Variants in OCA2 observed in about 807,000 individuals in gnomAD.
OCA2 encodes the protein OCA2 melanosomal transmembrane protein.
OCA2 carries 77 observed loss-of-function variants against 100.2 expected under a neutral mutation model. The ratio of observed to expected loss-of-function variants is 0.77; its 90% CI spans 0.64 to 0.93. The LOEUF is 0.93. OCA2 is among the 40% of genes least tolerant of loss of function. The probability of loss-of-function intolerance (pLI) is 0.00; values close to 1 mark genes in which losing one functional copy is unlikely to be tolerated. For missense variants in OCA2, 1,062 were observed against 1,089.1 expected, an observed-to-expected ratio of 0.98 and a Z score of 0.35; for synonymous variants, 432 against 439.2, an observed-to-expected ratio of 0.98 and a Z score of 0.21.
At chr15:27,935,420 C>G (rs1253971045) in intron 18 of OCA2, among the ~76,000 whole-genome samples, 3 of 152,176 alleles carry the variant, frequency 2.0e-5, no homozygotes, top group African/African-American at 7.2e-5. Flanking sequence ...CTAAAGGAGC[C>G]TCTTTTCCCT....
intron 19 of OCA2, among the ~76,000 whole-genome samples, chr15:27,905,752 A>G (rs1350763820): frequency 2.0e-5 from 3 of 152,256 alleles, no homozygotes; most frequent in African/African-American, 7.2e-5. Flanking sequence ...ACGGCATTAA[A>G]TGAACAAGAG....
chr15:28,081,833 C>T lies in OCA2; in HGVS notation c.42G>A (p.Ala14=), dbSNP rs762670171. 83 of 1,611,536 alleles carry T rather than the reference C, an allele frequency of 5.2e-5. No homozygotes were observed. The highest frequency in any genetic ancestry group is 3.2e-4 in the Admixed American group (19 of 59,962). Residue 14 remains alanine (A), a synonymous_variant, in exon 2 of 24, where the codon GCG becomes GCA. Transcript: ENST00000354638. The part of the protein sequence containing the change: ...EGRDGRRYPG[A]PAVELLQTSV... ...ACGTCTGCAGGAGCTCCACCGCCGGCGCGCCGGGGTACCGCCTGCCGTCTC... is the reference window on the plus strand; with the variant it reads ...ACGTCTGCAGGAGCTCCACCGCCGGTGCGCCGGGGTACCGCCTGCCGTCTC...
At chr15:27,953,453 C>T (rs1303068446) in intron 17 of OCA2, among the ~76,000 whole-genome samples, 1 of 152,162 alleles carries the variant, frequency 6.6e-6, no homozygotes, top group Non-Finnish European at 1.5e-5. Flanking sequence ...CTACATGATT[C>T]TGTGCTGAAG....
At chr15:27,758,611 GA>G (rs980765557) in intron 23 of OCA2, among the ~76,000 whole-genome samples, 1 of 151,760 alleles carries the variant, frequency 6.6e-6, no homozygotes, top group African/African-American at 2.4e-5. Context: ...TGAAATAAGT[GA>G]AAAAAAATGG....
chr15:27,894,255 A>G (rs1269788171), intron 19 of OCA2, among the ~76,000 whole-genome samples: 1 of 152,192 alleles, frequency 6.6e-6, no homozygotes, highest in Non-Finnish European at 1.5e-5. Context: ...CTTGGGATTT[A>G]TCTCTACTGT....
intron 2 of OCA2, among the ~76,000 whole-genome samples, chr15:28,038,358 C>T (rs1026404083): frequency 2.0e-5 from 3 of 152,178 alleles, no homozygotes; most frequent in Non-Finnish European, 4.4e-5. Flanking sequence ...TGATTCCTCA[C>T]CCGTGTACAG....
intron 2 of OCA2, among the ~76,000 whole-genome samples, chr15:28,077,856 T>C (rs529724838): frequency 3.1e-4 from 47 of 152,200 alleles, no homozygotes; most frequent in Middle Eastern, 6.8e-3. Flanking sequence ...CCGAGGCAGG[T>C]GGATCACGAG....
chr15:28,096,086 G>A (rs2044975046), intron 1 of OCA2, among the ~76,000 whole-genome samples: 1 of 151,250 alleles, frequency 6.6e-6, no homozygotes, highest in Non-Finnish European at 1.5e-5. Context: ...GGCTGCGTCT[G>A]CAAAGGCGTC....
chr15:27,830,897 A>G (rs1351896509), intron 23 of OCA2, among the ~76,000 whole-genome samples: 4 of 152,210 alleles, frequency 2.6e-5, no homozygotes, highest in Non-Finnish European at 5.9e-5. Context: ...ATACATATAG[A>G]AAGTTCCCCA....
At chr15:27,773,868 A>G (rs953486257) in intron 23 of OCA2, among the ~76,000 whole-genome samples, 4 of 152,158 alleles carry the variant, frequency 2.6e-5, no homozygotes, top group African/African-American at 9.7e-5. Context: ...TTTTGTTTCT[A>G]TTTGTGCGTA....
intron 10 of OCA2, among the ~76,000 whole-genome samples, chr15:27,990,333 A>G (rs1350631371): frequency 1.3e-5 from 2 of 152,194 alleles, no homozygotes; most frequent in Non-Finnish European, 2.9e-5. Flanking sequence ...GCCCATGAGG[A>G]GCCTTTCCTC....
intron 1 of OCA2, among the ~76,000 whole-genome samples, chr15:28,085,853 A>G (rs1371422883): frequency 6.6e-6 from 1 of 152,164 alleles, no homozygotes; most frequent in Non-Finnish European, 1.5e-5. Context: ...AAAAGCCCCA[A>G]AGAAGCCTGC....
intron 23 of OCA2, chr15:27,775,476 G>T (rs555518069): frequency 6.6e-6 from 1 of 152,404 alleles, no homozygotes; most frequent in African/African-American, 2.4e-5. Context: ...TCCTCTCCTC[G>T]TACTCCGTAC....
intron 19 of OCA2, among the ~76,000 whole-genome samples, chr15:27,903,658 G>A (rs1386503794): frequency 1.3e-5 from 2 of 152,210 alleles, no homozygotes; most frequent in African/African-American, 2.4e-5. Flanking sequence ...GCGGCCTAGC[G>A]GGAGTGGAGA....
intron 19 of OCA2, among the ~76,000 whole-genome samples, chr15:27,910,674 A>G (rs1351051445): frequency 3.3e-5 from 5 of 151,426 alleles, no homozygotes; most frequent in Non-Finnish European, 5.9e-5. Flanking sequence ...AAAAAAACAT[A>G]CGGCTGGGTG....
chr15:28,004,862 C>T (rs766465376), intron 9 of OCA2, among the ~76,000 whole-genome samples: 2 of 152,110 alleles, frequency 1.3e-5, no homozygotes, highest in Non-Finnish European at 2.9e-5. Flanking sequence ...CACACACTCA[C>T]ATGCACCCCA....
rs1326225333 is a variant in OCA2, at chr15:28,001,685, A to C, written c.1045-11038T>G. The stretch of plus-strand genomic sequence containing the variant: ...AGAAACTTCCAAATGACTTGGACAC[A>C]TCAGGAAGGAAGAGATGAAGGCACC... On this transcript the variant is annotated intron_variant, in intron 9 of 23. Transcript: ENST00000354638. Among the ~76,000 whole-genome samples the C allele has an allele frequency of 2.6e-5, 4 of 152,246 alleles. No homozygotes were observed. The East Asian group carries it at 7.7e-4, about 29-fold the overall frequency.
At chr15:28,051,390 T>G (rs1276057098) in intron 2 of OCA2, among the ~76,000 whole-genome samples, 1 of 152,124 alleles carries the variant, frequency 6.6e-6, no homozygotes, top group African/African-American at 2.4e-5. Flanking sequence ...CCTCCCAGGT[T>G]CAAGCAATTC....
intron 23 of OCA2, among the ~76,000 whole-genome samples, chr15:27,779,495 C>T (rs1196942253): frequency 6.6e-6 from 1 of 152,070 alleles, no homozygotes; most frequent in East Asian, 1.9e-4. Context: ...TGGATTGACC[C>T]TTTCATCATT....
Sources: allele counts gnomAD v4.1 joint callset (sites outside exome capture counted in the v4.1 genomes callset), GRCh38; gene constraint gnomAD v4.1.1; transcripts MANE v1.5; gene names NCBI Gene and HGNC (gene_info 2026-07-23, HGNC 2026-07-21).